The following UGT2B11 variants were observed in gnomAD, a reference collection of about 807,000 sequenced individuals.
UGT2B11 encodes UDP-glucuronosyltransferase 2B11.
Under a neutral mutation model 51.7 loss-of-function variants are expected in UGT2B11, and 49 were observed. That is an observed-to-expected ratio of 0.95 (90% confidence interval 0.75 to 1.20). The LOEUF (loss-of-function observed/expected upper bound fraction) is 1.20, where lower values mean the gene tolerates loss of function less well. UGT2B11 is among the 50% of genes most tolerant of loss of function. The pLI is 0.00. For synonymous variants in UGT2B11, 273 were observed against 209.0 expected (o/e 1.31, Z -2.64); for missense variants, 810 against 622.1 (o/e 1.30, Z -3.21).
chr4:69,219,184 G>A (rs1722351359), upstream of UGT2B11, among the ~76,000 whole-genome samples: 2 of 151,990 alleles, frequency 1.3e-5, no homozygotes, highest in East Asian at 3.9e-4. Context: ...CCTGGTGGCA[G>A]TGGCACTTCC....
At position 69,202,254 on chromosome 4, in the gene UGT2B11, G is replaced by T. The variant is rs1465490389; in HGVS notation, c.1311-1535C>A. ...TCACGAACACTCTGCTATACAGCAT[G>T]AGATTTATATATTTATGTATATCTG... On this transcript the variant is annotated intron_variant, in intron 5 of 5. Coordinates refer to ENST00000446444, the MANE Select transcript of UGT2B11 (RefSeq NM_001073.3). Among the ~76,000 whole-genome samples the T allele has an allele frequency of 2.0e-5, 3 of 151,672 alleles. No homozygotes were observed. The East Asian group carries it at 5.9e-4, about 30-fold the overall frequency.
upstream of UGT2B11, among the ~76,000 whole-genome samples, chr4:69,217,944 T>C (rs1400027552): frequency 6.6e-6 from 1 of 152,268 alleles, no homozygotes; most frequent in Non-Finnish European, 1.5e-5. Context: ...GAGCAAATTT[T>C]GGAATGGAAT....
rs750203803 is a variant in UGT2B11, at chr4:69,200,738, G to T, written c.1311-19C>A. 1 of 1,593,576 alleles carries T rather than the reference G, an allele frequency of 6.3e-7. No individual in the cohort carries two copies. The highest frequency in any genetic ancestry group is 1.7e-5 in the Admixed American group (1 of 57,286). On this transcript the variant is annotated intron_variant, in intron 5 of 5. Coordinates refer to ENST00000446444, the MANE Select transcript of UGT2B11 (RefSeq NM_001073.3). ...TTTATATCTGAAGGATAAAAATAAG[G>T]ATACCAACACTGAAAGTAAGTTAAT... is the stretch of plus-strand genomic sequence containing the variant.
At chr4:69,220,607 G>A in the UGT2B11 span, among the ~76,000 whole-genome samples, 1 of 140,402 alleles carries the variant, frequency 7.1e-6, no homozygotes, top group Non-Finnish European at 1.6e-5. Flanking sequence ...AAAATGCAAG[G>A]CCCAAAAGCG....
chr4:69,214,300 T>C lies in UGT2B11; in HGVS notation c.423A>G (p.Gln141=). ...VSNKKVMKKL[Q]ESRFDIVFAD... is the part of the protein sequence containing the mutation. ...CAAAAACGATGTCAAATCTTGACTC[T>C]TGTAGTTTTTTCATAACTTTCTTAT... The change falls in exon 1 of 6, where the codon CAA becomes CAG. Residue 141 remains glutamine, a synonymous_variant. Coordinates refer to ENST00000446444, the MANE Select transcript of UGT2B11 (RefSeq NM_001073.3). 6.2e-7 allele frequency: 1 copy of C among 1,613,280 alleles called. No individual in the cohort carries two copies. Among genetic ancestry groups the C allele is most frequent in the African/African-American group, 1.3e-5 (1 of 74,980 alleles).
At chr4:69,222,364 T>C in the UGT2B11 span, among the ~76,000 whole-genome samples, 6 of 152,232 alleles carry the variant, frequency 3.9e-5, no homozygotes, top group African/African-American at 7.2e-5. Flanking sequence ...GTTTTCCTCC[T>C]TTCCCTTTGT....
chr4:69,212,413 G>A (rs935520013), intron 2 of UGT2B11, among the ~76,000 whole-genome samples, 160 bp downstream of exon 2: 13 of 151,480 alleles, frequency 8.6e-5, no homozygotes, highest in African/African-American at 3.1e-4. Context: ...TACGTGTGAC[G>A]GTATTAACAT....
intron 3 of UGT2B11, among the ~76,000 whole-genome samples, chr4:69,207,993 C>T (rs1371956951): frequency 1.3e-5 from 2 of 151,616 alleles, no homozygotes; most frequent in African/African-American, 2.4e-5. Context: ...ACCATTTTCA[C>T]TTACCTGAAA....
At chr4:69,201,638 G>A (rs1243730898) in intron 5 of UGT2B11, among the ~76,000 whole-genome samples, 1 of 151,606 alleles carries the variant, frequency 6.6e-6, no homozygotes, top group Non-Finnish European at 1.5e-5. Context: ...ATTCTTTCTT[G>A]CTACAACCCA....
intron 2 of UGT2B11, among the ~76,000 whole-genome samples, 180 bp downstream of exon 2, chr4:69,212,393 A>G (rs1722099775): frequency 6.6e-6 from 1 of 151,678 alleles, no homozygotes; most frequent in South Asian, 2.1e-4. Flanking sequence ...TAATATGCAT[A>G]AAACTCACAT....
chr4:69,220,131 C>G, the UGT2B11 span, among the ~76,000 whole-genome samples: 4 of 152,186 alleles, frequency 2.6e-5, no homozygotes, highest in African/African-American at 9.6e-5. Context: ...AGGCTCCATG[C>G]AAGTCCGAAA....
chr4:69,217,244 T>C (rs1424195354), upstream of UGT2B11, among the ~76,000 whole-genome samples: 1 of 152,128 alleles, frequency 6.6e-6, no homozygotes, highest in African/African-American at 2.4e-5. Context: ...TTTGTACTTT[T>C]AAAAAGTCTC....
At chr4:69,214,989 A>G (rs572378839), upstream of UGT2B11, 108 of 412,790 alleles carry the variant, frequency 2.6e-4, no homozygotes, top group Non-Finnish European at 4.2e-4. Context: ...TATGTAACCT[A>G]CTTTATAATA....
At chr4:69,202,290 AATT>A (rs996172131) in intron 5 of UGT2B11, among the ~76,000 whole-genome samples, 21 of 151,854 alleles carry the variant, frequency 1.4e-4, no homozygotes, top group African/African-American at 4.8e-4. Flanking sequence ...TTGTGTATAT[AATT>A]GAGAGTAGAA....
chr4:69,215,034 A>G (rs1432464233), upstream of UGT2B11: 2 of 278,422 alleles, frequency 7.2e-6, no homozygotes, highest in Non-Finnish European at 1.3e-5. Context: ...AGAGTCCTGC[A>G]GAGCCCTTGA....
At position 69,208,416 on chromosome 4, in the gene UGT2B11, T is replaced by C. The variant is rs779305467; in HGVS notation, c.937A>G (p.Ile313Val). ...GCCCTTTCTGCTGTCATGTTACTTA[T>C]CACTGACCCCAGAGAAAACACCACA... ...GVVVFSLGSV[I>V]SNMTAERANV... Residue 313 changes from isoleucine to valine, a missense_variant, in exon 3 of 6, where the codon ATA becomes GTA. By Grantham distance (29) the Ile-to-Val change is conservative (BLOSUM62 3). Transcript: ENST00000446444. 6 of 1,610,694 alleles carry C rather than the reference T, an allele frequency of 3.7e-6. No homozygotes were observed. Among genetic ancestry groups the C allele is most frequent in the Middle Eastern group, 1.8e-4 (1 of 5,502 alleles).
Position 69,214,002 on chromosome 4 carries a change from C to G in UGT2B11, c.721G>C (p.Gly241Arg), listed in dbSNP as rs1185802266. The change falls in exon 1 of 6, where the codon GGA becomes CGA. Residue 241 changes from glycine (G) to arginine (R), a missense_variant and splice_region_variant. Coordinates refer to ENST00000446444, the MANE Select transcript of UGT2B11 (RefSeq NM_001073.3). Reference sequence around the variant, plus strand: ...CGTTACCGATTAAACAAATTCTTACCTAAAACTTCACTGTAAAACTGATCC... The same window carrying G: ...CGTTACCGATTAAACAAATTCTTACGTAAAACTTCACTGTAAAACTGATCC... Reference protein sequence around the residue: ...KWDQFYSEVLGRPTTLFETMG... With the variant: ...KWDQFYSEVLRRPTTLFETMG... The G allele has an allele frequency of 6.4e-7, 1 of 1,557,642 alleles. No individual in the cohort carries two copies. The highest frequency in any genetic ancestry group is 8.7e-7 in the Non-Finnish European group (1 of 1,155,930).
the UGT2B11 span, among the ~76,000 whole-genome samples, chr4:69,223,012 G>A: frequency 6.6e-6 from 1 of 152,164 alleles, no homozygotes; most frequent in Admixed American, 6.5e-5. Flanking sequence ...AAGCTTGCAG[G>A]CTTGGCACAG....
At chr4:69,208,095 C>G (rs577101121) in intron 3 of UGT2B11, among the ~76,000 whole-genome samples, 1 of 151,470 alleles carries the variant, frequency 6.6e-6, no homozygotes. Context: ...TGGATACCTA[C>G]GGAGTACTGA....
Sources: gnomAD v4.1 joint callset for allele counts (sites outside exome capture counted in the v4.1 genomes callset) on GRCh38, gnomAD v4.1.1 for gene constraint, MANE v1.5 for transcripts, NCBI Gene and HGNC (gene_info 2026-07-23, HGNC 2026-07-21) for gene names.